The following RELN variants were observed in gnomAD, a reference collection of about 807,000 sequenced individuals.
The protein encoded by RELN is reelin.
A neutral mutation model predicts 427.6 loss-of-function variants in RELN; 108 were observed. The ratio of observed to expected loss-of-function variants is 0.25; its 90% CI spans 0.22 to 0.30. The LOEUF (loss-of-function observed/expected upper bound fraction) is 0.30, where lower values mean the gene tolerates loss of function less well. Among genes scored for constraint, RELN ranks in the 10% least tolerant of loss-of-function variants. RELN has a pLI of 1.00. For missense variants in RELN, 3,715 were observed against 4,302.8 expected (o/e 0.86, Z 3.82); for synonymous variants, 1,524 against 1,513.4 (o/e 1.01, Z -0.16).
intron 1 of RELN, among the ~76,000 whole-genome samples, chr7:103,939,720 A>C (rs573953069): frequency 1.3e-5 from 2 of 152,208 alleles, no homozygotes; most frequent in Non-Finnish European, 2.9e-5. Context: ...GTAATGAAAA[A>C]CTGGAACAGC....
chr7:103,810,189 T>C (rs1390741500), intron 3 of RELN, among the ~76,000 whole-genome samples: 1 of 152,178 alleles, frequency 6.6e-6, no homozygotes, highest in East Asian at 1.9e-4. Flanking sequence ...TACTTGTACA[T>C]TTACTTTCTT....
intron 11 of RELN, among the ~76,000 whole-genome samples, chr7:103,676,367 A>C (rs530929157): frequency 2.0e-5 from 3 of 152,098 alleles, no homozygotes; most frequent in Non-Finnish European, 4.4e-5. Flanking sequence ...TTAGAATGGC[A>C]ATCATTAAAA....
intron 3 of RELN, among the ~76,000 whole-genome samples, chr7:103,787,369 TA>T (rs898509188): frequency 9.6e-4 from 139 of 144,448 alleles, no homozygotes; most frequent in African/African-American, 2.2e-3. Flanking sequence ...GAAAAACCCT[TA>T]AAAAAAAAAT....
chr7:103,610,458 G>T (rs1831924558), intron 22 of RELN, among the ~76,000 whole-genome samples: 1 of 152,136 alleles, frequency 6.6e-6, no homozygotes, highest in Non-Finnish European at 1.5e-5. Flanking sequence ...GTCAGAGAAG[G>T]CTAGGACAGT....
chr7:103,609,987 AT>A (rs1287332284), intron 22 of RELN, among the ~76,000 whole-genome samples: 1 of 152,160 alleles, frequency 6.6e-6, no homozygotes, highest in Non-Finnish European at 1.5e-5. Flanking sequence ...CACGTGATTA[AT>A]TAATCATTGG....
chr7:103,783,169 T>TTTC (rs1375854779), intron 3 of RELN, among the ~76,000 whole-genome samples: 1 of 150,776 alleles, frequency 6.6e-6, no homozygotes, highest in Non-Finnish European at 1.5e-5. Context: ...TCTTTCTTTT[T>TTTC]TTTTTTTTTT....
chr7:103,507,271 T>A (rs59645313), intron 51 of RELN, among the ~76,000 whole-genome samples: 7,195 of 152,124 alleles, frequency 0.047, 237 homozygotes, highest in East Asian at 0.17. Context: ...AAATTGACCA[T>A]ATAATTGGAA....
intron 43 of RELN, among the ~76,000 whole-genome samples, chr7:103,540,733 C>G (rs1404934456): frequency 6.6e-6 from 1 of 152,168 alleles, no homozygotes; most frequent in East Asian, 1.9e-4. Context: ...GTGTTCCCCA[C>G]ACCCTTTGGC....
intron 1 of RELN, among the ~76,000 whole-genome samples, chr7:103,938,319 C>G (rs527585682): frequency 6.6e-6 from 1 of 151,926 alleles, no homozygotes; most frequent in African/African-American, 2.4e-5. Context: ...AAAGAAAAAC[C>G]CTAGTTTCTG....
intron 2 of RELN, among the ~76,000 whole-genome samples, chr7:103,852,775 T>C (rs1793855882): frequency 6.6e-6 from 1 of 152,042 alleles, no homozygotes; most frequent in African/African-American, 2.4e-5. Context: ...TGTATCATAT[T>C]ACAATTATTT....
At chr7:103,850,839 A>G (rs527409308) in intron 2 of RELN, among the ~76,000 whole-genome samples, 9 of 152,186 alleles carry the variant, frequency 5.9e-5, no homozygotes, top group Non-Finnish European at 8.8e-5. Context: ...AACACAGTAG[A>G]TGTGGGTATG....
chr7:103,660,219 A>T (rs1833109096), intron 12 of RELN, among the ~76,000 whole-genome samples: 1 of 152,106 alleles, frequency 6.6e-6, no homozygotes, highest in African/African-American at 2.4e-5. Flanking sequence ...TGGCATACTA[A>T]ATGTTTATTA....
intron 51 of RELN, among the ~76,000 whole-genome samples, chr7:103,508,195 T>G (rs1040576381): frequency 6.6e-6 from 1 of 152,176 alleles, no homozygotes; most frequent in Non-Finnish European, 1.5e-5. Context: ...GAGGCCAGCA[T>G]CATCCTGCTA....
intron 15 of RELN, 112 bp downstream of exon 15, chr7:103,651,549 G>T: frequency 1.0e-6 from 1 of 994,936 alleles, no homozygotes; most frequent in Non-Finnish European, 1.6e-6. Context: ...CTTTTAAAGA[G>T]GTTAGGTTTC....
intron 3 of RELN, among the ~76,000 whole-genome samples, chr7:103,818,954 A>C (rs965904652): frequency 6.6e-6 from 1 of 152,150 alleles, no homozygotes; most frequent in Admixed American, 6.6e-5. Context: ...TAAAATGTAT[A>C]AGAGAACCCC....
chr7:103,524,344 AAGAG>A (rs773109154), intron 46 of RELN, among the ~76,000 whole-genome samples: 62 of 152,122 alleles, frequency 4.1e-4, no homozygotes, highest in Non-Finnish European at 7.2e-4. Flanking sequence ...AGAGAAAAAA[AAGAG>A]AGAGCATAAT....
intron 20 of RELN, among the ~76,000 whole-genome samples, chr7:103,622,053 A>G (rs74300468): frequency 0.04 from 6,138 of 152,258 alleles, 170 homozygotes; most frequent in East Asian, 0.14. Flanking sequence ...TCAGACTGCT[A>G]AATTTCTGTT....
intron 22 of RELN, among the ~76,000 whole-genome samples, chr7:103,606,333 G>A (rs1245425502): frequency 6.6e-6 from 1 of 152,150 alleles, no homozygotes; most frequent in African/African-American, 2.4e-5. Flanking sequence ...GTCAGTAAAG[G>A]GCAGCCTGCT....
rs1831320270 is a variant in RELN, at chr7:103,588,096, T to C, written c.4145+1500A>G. ...AGGGATACCTGCACTTTCGTGTTTA[T>C]TGCAGAACTGTTCACAATAGCTAAG... On this transcript the variant is annotated intron_variant, in intron 28 of 64. Transcript: ENST00000428762. Among the ~76,000 whole-genome samples the C allele has an allele frequency of 4.6e-5, 7 of 152,208 alleles. No individual in the cohort carries two copies. The South Asian group carries it at 1.4e-3, about 31-fold the overall frequency.
Sources: allele counts gnomAD v4.1 joint callset (sites outside exome capture counted in the v4.1 genomes callset), GRCh38; gene constraint gnomAD v4.1.1; transcripts MANE v1.5; gene names NCBI Gene and HGNC (gene_info 2026-07-23, HGNC 2026-07-21).